TCF4: variants seen among roughly 807,000 people sequenced by gnomAD.
The protein encoded by TCF4 is SL3-3 enhancer factor 2.
A neutral mutation model predicts 82.1 loss-of-function variants in TCF4; 3 were observed. The observed-to-expected ratio is 0.04, with a 90% CI of 0.02 to 0.09. The LOEUF (loss-of-function observed/expected upper bound fraction) is 0.09, where lower values mean the gene tolerates loss of function less well. Among genes scored for constraint, TCF4 ranks in the 10% least tolerant of loss-of-function variants. TCF4 has a pLI of 1.00. For synonymous variants in TCF4, 276 were observed against 309.6 expected, an observed-to-expected ratio of 0.89 and a Z score of 1.14; for missense variants, 518 against 852.7, an observed-to-expected ratio of 0.61 and a Z score of 4.89.
chr18:55,501,452 C>A (rs1427520366), intron 3 of TCF4, among the ~76,000 whole-genome samples: 2 of 152,138 alleles, frequency 1.3e-5, no homozygotes, highest in East Asian at 3.9e-4. Context: ...TCAAATTTTT[C>A]ATAAATGAAA....
intron 5 of TCF4, among the ~76,000 whole-genome samples, chr18:55,415,842 AAC>A (rs983053140): frequency 1.3e-5 from 2 of 152,248 alleles, no homozygotes; most frequent in African/African-American, 4.8e-5. Context: ...TAACATAATT[AAC>A]ACATATTTTT....
At chr18:55,545,204 G>A (rs998647684) in intron 3 of TCF4, among the ~76,000 whole-genome samples, 3 of 152,118 alleles carry the variant, frequency 2.0e-5, no homozygotes, top group Non-Finnish European at 2.9e-5. Context: ...CTTACAATAT[G>A]GAATATGCAT....
intron 3 of TCF4, among the ~76,000 whole-genome samples, chr18:55,559,766 T>C (rs1338103066): frequency 6.6e-6 from 1 of 152,156 alleles, no homozygotes; most frequent in Non-Finnish European, 1.5e-5. Flanking sequence ...AATAAATCTT[T>C]TTTTCCATTC....
intron 2 of TCF4, among the ~76,000 whole-genome samples, chr18:55,627,025 C>T (rs901158984): frequency 3.3e-5 from 5 of 152,144 alleles, no homozygotes; most frequent in African/African-American, 7.2e-5. Context: ...TTCAGCTAAT[C>T]GATGTGATTA....
intron 8 of TCF4, among the ~76,000 whole-genome samples, chr18:55,327,133 C>A (rs2076700567): frequency 6.6e-6 from 1 of 152,036 alleles, no homozygotes; most frequent in Non-Finnish European, 1.5e-5. Flanking sequence ...TATGAAATAA[C>A]TGTTTTCTTA....
chr18:55,554,501 T>C (rs958674686), intron 3 of TCF4, among the ~76,000 whole-genome samples: 1 of 152,194 alleles, frequency 6.6e-6, no homozygotes, highest in African/African-American at 2.4e-5. Context: ...ATATTTTTTA[T>C]TTTCTGCCTT....
intron 8 of TCF4, among the ~76,000 whole-genome samples, chr18:55,297,206 G>GAA (rs749849568): frequency 2.5e-4 from 14 of 56,010 alleles, no homozygotes; most frequent in African/African-American, 5.5e-4. Flanking sequence ...TTTCCAAATA[G>GAA]AAAAAAAAAA....
intron 8 of TCF4, among the ~76,000 whole-genome samples, chr18:55,306,346 C>T (rs901429057): frequency 2.0e-5 from 3 of 152,110 alleles, no homozygotes; most frequent in Admixed American, 6.5e-5. Flanking sequence ...TATAAAAGAA[C>T]CAGTTTTTAA....
At chr18:55,575,005 T>C (rs1310543708) in intron 3 of TCF4, among the ~76,000 whole-genome samples, 1 of 152,214 alleles carries the variant, frequency 6.6e-6, no homozygotes, top group Non-Finnish European at 1.5e-5. Context: ...CTTAAACAAT[T>C]ATGGACTATC....
At chr18:55,476,462 TTTTTTGTTTTTTG>T (rs2096290799) in intron 3 of TCF4, among the ~76,000 whole-genome samples, 2 of 151,424 alleles carry the variant, frequency 1.3e-5, no homozygotes, top group South Asian at 4.2e-4. Context: ...TGTTTTTTTG[TTTTTTGTTTTTTG>T]TTTTTGTTTT....
chr18:55,276,080 C>A (rs144494418), intron 9 of TCF4, among the ~76,000 whole-genome samples: 1 of 152,132 alleles, frequency 6.6e-6, no homozygotes, highest in Admixed American at 6.5e-5. Flanking sequence ...ACTGTTTTTT[C>A]TATGAAAACC....
intron 3 of TCF4, among the ~76,000 whole-genome samples, chr18:55,562,517 G>A (rs1227093129): frequency 6.6e-6 from 1 of 152,058 alleles, no homozygotes; most frequent in Non-Finnish European, 1.5e-5. Flanking sequence ...GGGAAGTTCT[G>A]GACAAGAAGT....
intron 9 of TCF4, 41 bp downstream of exon 9, chr18:55,279,510 G>A (rs1403851017): frequency 2.5e-5 from 40 of 1,612,878 alleles, no homozygotes; most frequent in Non-Finnish European, 3.3e-5. Flanking sequence ...CCAGGAAAAT[G>A]CTATCCAGTG....
intron 3 of TCF4, among the ~76,000 whole-genome samples, chr18:55,501,920 C>T (rs1396372732): frequency 1.3e-5 from 2 of 152,072 alleles, no homozygotes; most frequent in East Asian, 3.8e-4. Context: ...CATACAAACA[C>T]TAACAATGAA....
In TCF4 at chr18:55,224,975, C is replaced by A. The variant is rs1023079998; in HGVS notation, c.*3060G>T. On this transcript the variant is annotated 3_prime_UTR_variant, in exon 20 of 20. Coordinates refer to ENST00000354452, the MANE Select transcript of TCF4 (RefSeq NM_001083962.2). ...GTACTTTAATCTTAACTGTCTTCTG[C>A]TGAACTTCATTTGAAAATCCAGTGC... 6.6e-5 allele frequency: 10 copies of A among 152,186 alleles called. No individual in the cohort carries two copies. Among genetic ancestry groups the A allele is most frequent in the African/African-American group, 2.4e-4 (10 of 41,446 alleles). 9.4% of individuals were successfully genotyped at this position (152,186 alleles called of 1,614,324 possible).
intron 6 of TCF4, chr18:55,401,193 A>C: frequency 8.2e-7 from 1 of 1,216,984 alleles, no homozygotes; most frequent in Non-Finnish European, 1.0e-6. Flanking sequence ...CAAATTTCAC[A>C]GAAAGCAGAA....
intron 2 of TCF4, chr18:55,631,295 T>C (rs1450842857): frequency 7.2e-7 from 1 of 1,387,648 alleles, no homozygotes; most frequent in South Asian, 1.3e-5. Context: ...GTGATCCACC[T>C]ACCTTGGCCT....
At chr18:55,260,398 CTT>C (rs2057793301) in intron 12 of TCF4, among the ~76,000 whole-genome samples, 1 of 152,176 alleles carries the variant, frequency 6.6e-6, no homozygotes, top group African/African-American at 2.4e-5. Flanking sequence ...TTTTGCCACT[CTT>C]TTGCCAGATC....
At chr18:55,264,085 G>A (rs898049378) in intron 11 of TCF4, among the ~76,000 whole-genome samples, 8 of 151,670 alleles carry the variant, frequency 5.3e-5, no homozygotes, top group Non-Finnish European at 8.8e-5. Context: ...AAATATATAC[G>A]CCCCAAAAAT....
Sources: gnomAD v4.1 joint callset for allele counts (sites outside exome capture counted in the v4.1 genomes callset) on GRCh38, gnomAD v4.1.1 for gene constraint, MANE v1.5 for transcripts, NCBI Gene and HGNC (gene_info 2026-07-23, HGNC 2026-07-21) for gene names.